Variants in LRRC3C observed in about 807,000 individuals in gnomAD.
LRRC3C encodes the protein leucine rich repeat containing 3C, also known as leucine-rich repeat-containing protein 3C.
LRRC3C carries 11 observed loss-of-function variants against 14.8 expected under a neutral mutation model. The observed-to-expected ratio is 0.74, with a 90% CI of 0.47 to 1.23. The LOEUF is 1.23. Ranked by LOEUF, LRRC3C falls within the 50% of genes most tolerant of loss-of-function variation. The pLI is 0.00. For synonymous variants in LRRC3C, 149 were observed against 161.5 expected (o/e 0.92, Z 0.59); for missense variants, 354 against 361.8 (o/e 0.98, Z 0.18).
At chr17:39,943,333 G>A (rs1568120140) in intron 3 of LRRC3C, among the ~76,000 whole-genome samples, 1 of 152,222 alleles carries the variant, frequency 6.6e-6, no homozygotes, top group Non-Finnish European at 1.5e-5. Context: ...GGACGGGGAG[G>A]AGGAGGGAGG....
At chr17:39,943,016 G>A (rs1464748675) in intron 3 of LRRC3C, among the ~76,000 whole-genome samples, 1 of 152,160 alleles carries the variant, frequency 6.6e-6, no homozygotes, top group African/African-American at 2.4e-5. Context: ...GGGGAGCCTG[G>A]TGCAGGGAAT....
In LRRC3C at chr17:39,943,982, G is replaced by T. The variant is rs1286683977; in HGVS notation, c.76G>T (p.Ala26Ser). The T allele has an allele frequency of 6.5e-7, 1 of 1,536,108 alleles. No individual in the cohort carries two copies. The change falls in exon 4 of 4, where the codon GCA (alanine) becomes TCA (serine). Residue 26 changes from alanine to serine, a missense_variant. Ala to Ser is a moderately conservative substitution (Grantham distance 99, BLOSUM62 1). Transcript: ENST00000377924. Reference sequence around the variant, plus strand: ...CCAATTTATGGCCATGCTCCCAACAGCAGGTCACCTCCTGCCCCTCCTGCT... The same window carrying T: ...CCAATTTATGGCCATGCTCCCAACATCAGGTCACCTCCTGCCCCTCCTGCT... ...LCQFMAMLPT[A>S]GHLLPLLLVI...
Position 39,944,778 on chromosome 17 carries a change from T to C in LRRC3C, c.*44T>C, listed in dbSNP as rs1319673738. ...CAGCCACACCCCACACTCCTGCCCCTATGCCCTCTCCTTTGCTCTGACCCC... is the reference window on the plus strand; with the variant it reads ...CAGCCACACCCCACACTCCTGCCCCCATGCCCTCTCCTTTGCTCTGACCCC... On this transcript the variant is annotated 3_prime_UTR_variant, in exon 4 of 4. Coordinates refer to ENST00000377924, the MANE Select transcript of LRRC3C (RefSeq NM_001195545.2). The C allele has an allele frequency of 2.0e-6, 3 of 1,515,576 alleles. No individual in the cohort carries two copies. The East Asian group carries it at 7.3e-5, about 37-fold the overall frequency. 93.9% of individuals were successfully genotyped at this position (1,515,576 alleles called of 1,614,324 possible).
chr17:39,933,606 G>A (rs1321597076), intron 1 of LRRC3C, among the ~76,000 whole-genome samples: 6 of 152,024 alleles, frequency 3.9e-5, no homozygotes, highest in South Asian at 2.1e-4. Context: ...GGTGGCGGGC[G>A]CCTGTAATCC....
At chr17:39,937,113 G>T (rs1308779462) in intron 2 of LRRC3C, among the ~76,000 whole-genome samples, 2 of 151,742 alleles carry the variant, frequency 1.3e-5, no homozygotes, top group East Asian at 3.9e-4. Flanking sequence ...CTCCAGCCTG[G>T]GTGACAGAGT....
intron 1 of LRRC3C, among the ~76,000 whole-genome samples, chr17:39,934,962 T>C (rs549700181): frequency 6.6e-6 from 1 of 152,184 alleles, no homozygotes; most frequent in Non-Finnish European, 1.5e-5. Flanking sequence ...AGTGTAGCAG[T>C]GAGGACCACC....
intron 1 of LRRC3C, chr17:39,929,232 T>G (rs1050367642): frequency 3.3e-5 from 5 of 152,250 alleles, no homozygotes; most frequent in Non-Finnish European, 5.9e-5. Flanking sequence ...CTCTGGATCT[T>G]GGTCAGTTTC....
At chr17:39,938,302 G>T (rs1978852749) in intron 2 of LRRC3C, among the ~76,000 whole-genome samples, 1 of 152,156 alleles carries the variant, frequency 6.6e-6, no homozygotes, top group Non-Finnish European at 1.5e-5. Context: ...GCTGGTGTTG[G>T]TTGAGTAGCT....
rs969218123 is a variant in LRRC3C, at chr17:39,944,151, G to T, written c.245G>T (p.Arg82Leu). 2.0e-6 allele frequency: 3 copies of T among 1,536,234 alleles called. No individual in the cohort carries two copies. The highest frequency in any genetic ancestry group is 2.6e-6 in the Non-Finnish European group (3 of 1,146,934). ...CCCTCCGGCATCCCCAATGACACCC[G>T]CAAGCTCTACCTGGATGCCAACCAG... ...AVPSGIPNDTRKLYLDANQLA... is the reference protein window; with the variant it reads ...AVPSGIPNDTLKLYLDANQLA... Residue 82 changes from arginine to leucine, a missense_variant, in exon 4 of 4, where the codon CGC becomes CTC. Coordinates refer to ENST00000377924, the MANE Select transcript of LRRC3C (RefSeq NM_001195545.2).
At chr17:39,941,404 G>A in intron 2 of LRRC3C, 39 bp from the exon 3 acceptor site, 6 of 574,642 alleles carry the variant, frequency 1.0e-5, no homozygotes, top group South Asian at 2.5e-5. Context: ...TGAAACAAGG[G>A]ACCCCCCCAC....
At chr17:39,934,252 A>G (rs2144760983) in intron 1 of LRRC3C, among the ~76,000 whole-genome samples, 1 of 152,340 alleles carries the variant, frequency 6.6e-6, no homozygotes, top group Admixed American at 6.5e-5. Context: ...CAACCTGCAT[A>G]TTCTTTGATA....
At chr17:39,938,916 G>T (rs936813375) in intron 2 of LRRC3C, among the ~76,000 whole-genome samples, 2 of 151,878 alleles carry the variant, frequency 1.3e-5, no homozygotes, top group Non-Finnish European at 2.9e-5. Context: ...AATCTGGGAA[G>T]TGAAGGTTGT....
At chr17:39,939,660 T>G (rs1978887975) in intron 2 of LRRC3C, 1 of 152,314 alleles carries the variant, frequency 6.6e-6, no homozygotes, top group Admixed American at 6.5e-5. Flanking sequence ...TCACAGGAAA[T>G]CCTCACTGAA....
intron 2 of LRRC3C, among the ~76,000 whole-genome samples, chr17:39,937,363 G>A (rs920205480): frequency 2.0e-5 from 3 of 152,150 alleles, no homozygotes; most frequent in Admixed American, 6.5e-5. Flanking sequence ...CTGAACCTGG[G>A]AGGCAGAGGT....
chr17:39,936,832 A>G (rs72832957), intron 2 of LRRC3C, among the ~76,000 whole-genome samples: 15,609 of 151,358 alleles, frequency 0.1, 905 homozygotes, highest in African/African-American at 0.12. Context: ...AAATAAAAAT[A>G]AAAATTTGGC....
Position 39,944,074 on chromosome 17 carries a change from G to A in LRRC3C, c.168G>A (p.Lys56=). 1 of 1,536,148 alleles carries A rather than the reference G, an allele frequency of 6.5e-7. No homozygotes were observed. Among genetic ancestry groups the A allele is most frequent in the Non-Finnish European group, 8.7e-7 (1 of 1,146,898 alleles). ...QVPPRGCYVA[K]EAGERTFRCS... ...CTCCCCGGGGCTGTTATGTGGCAAAGGAAGCAGGTGAACGGACGTTCCGCT... is the reference window on the plus strand; with the variant it reads ...CTCCCCGGGGCTGTTATGTGGCAAAAGAAGCAGGTGAACGGACGTTCCGCT... Residue 56 remains lysine (K), a synonymous_variant, in exon 4 of 4, where the codon AAG becomes AAA. Coordinates refer to ENST00000377924, the MANE Select transcript of LRRC3C (RefSeq NM_001195545.2).
At chr17:39,943,833 C>T in intron 3 of LRRC3C, 100 bp from the exon 4 acceptor site, 15 of 1,217,362 alleles carry the variant, frequency 1.2e-5, no homozygotes, top group Non-Finnish European at 1.7e-5. Context: ...GGCCCCAGCC[C>T]AAAAAGACTC....
chr17:39,939,444 A>G, intron 2 of LRRC3C: 3 of 981,406 alleles, frequency 3.1e-6, no homozygotes, highest in Non-Finnish European at 3.6e-6. Context: ...TGCTCGTTAG[A>G]CATACCTGAG....
intron 1 of LRRC3C, among the ~76,000 whole-genome samples, chr17:39,928,922 G>A (rs1446390894): frequency 6.6e-6 from 1 of 152,172 alleles, no homozygotes; most frequent in Non-Finnish European, 1.5e-5. Flanking sequence ...AGCAGAACAG[G>A]CAGCTTCTTC....
Sources: allele counts gnomAD v4.1 joint callset (sites outside exome capture counted in the v4.1 genomes callset), GRCh38; gene constraint gnomAD v4.1.1; transcripts MANE v1.5; gene names NCBI Gene and HGNC (gene_info 2026-07-23, HGNC 2026-07-21).